Variants in OLFML2B observed in about 807,000 individuals in gnomAD.
OLFML2B encodes olfactomedin like 2B.
Under a neutral mutation model 74.9 loss-of-function variants are expected in OLFML2B, and 57 were observed. The ratio of observed to expected loss-of-function variants is 0.76; its 90% CI spans 0.61 to 0.95. OLFML2B has a LOEUF of 0.95. Ranked by LOEUF, OLFML2B falls within the 40% of genes least tolerant of loss-of-function variation. The pLI is 0.00. For missense variants in OLFML2B, 986 were observed against 970.6 expected, an observed-to-expected ratio of 1.02 and a Z score of -0.21; for synonymous variants, 388 against 405.8, an observed-to-expected ratio of 0.96 and a Z score of 0.53.
intron 3 of OLFML2B, among the ~76,000 whole-genome samples, chr1:162,016,473 A>G (rs1332750098): frequency 1.3e-5 from 2 of 152,214 alleles, no homozygotes; most frequent in African/African-American, 2.4e-5. Flanking sequence ...TTTCATAAGG[A>G]ATATTGATAT....
At chr1:162,000,876 A>G (rs1690064715) in intron 4 of OLFML2B, among the ~76,000 whole-genome samples, 1 of 152,178 alleles carries the variant, frequency 6.6e-6, no homozygotes, top group African/African-American at 2.4e-5. Flanking sequence ...TTCCTAAAAC[A>G]CATATCACCC....
rs1324940271 is a variant in OLFML2B, at chr1:161,983,591, C to T, written c.*84G>A. 2 of 1,406,718 alleles carry T rather than the reference C, an allele frequency of 1.4e-6. No individual in the cohort carries two copies. The highest frequency in any genetic ancestry group is 1.9e-6 in the Non-Finnish European group (2 of 1,033,254). 87.1% of individuals were successfully genotyped at this position (1,406,718 alleles called of 1,614,324 possible). ...AATATATATTTTTAAACAACACATA[C>T]CCACCTACACACACGTGCGCGCACA... On this transcript the variant is annotated 3_prime_UTR_variant, in exon 8 of 8. Transcript: ENST00000294794.
intron 6 of OLFML2B, among the ~76,000 whole-genome samples, chr1:161,994,513 C>T (rs1249866084): frequency 1.3e-5 from 2 of 152,250 alleles, no homozygotes; most frequent in Non-Finnish European, 2.9e-5. Flanking sequence ...TCCAAACCAG[C>T]CCCTTCTACA....
At chr1:162,012,958 C>T (rs1184770662) in intron 3 of OLFML2B, among the ~76,000 whole-genome samples, 1 of 152,182 alleles carries the variant, frequency 6.6e-6, no homozygotes, top group Non-Finnish European at 1.5e-5. Flanking sequence ...GCAGTATGTG[C>T]TGCTAGGGGT....
chr1:162,001,575 G>A (rs1249966767), intron 4 of OLFML2B, among the ~76,000 whole-genome samples: 2 of 152,182 alleles, frequency 1.3e-5, no homozygotes, highest in Non-Finnish European at 2.9e-5. Context: ...CTTGTTTTAC[G>A]TGAAAGAACA....
Position 162,000,112 on chromosome 1 carries a change from C to G in OLFML2B, c.949+1G>C. The G allele has an allele frequency of 6.3e-7, 1 of 1,584,054 alleles. No homozygotes were observed. The highest frequency in any genetic ancestry group is 8.6e-7 in the Non-Finnish European group (1 of 1,160,262). ...GGGCGGCCCTGTTGACCCCAACTCA[C>G]GCTGCTCTTCAATGTCATTCTCTTC... On this transcript the variant is annotated splice_donor_variant, in intron 5 of 7. Transcript: ENST00000294794. LOFTEE classifies it high-confidence loss of function.
At chr1:161,987,014 T>C (rs2499841) in intron 6 of OLFML2B, among the ~76,000 whole-genome samples, 131,147 of 152,272 alleles carry the variant, frequency 0.86, 56,675 homozygotes, top group Non-Finnish European at 0.89. Context: ...CCTGCAGGGT[T>C]CCGTCTCACA....
At position 162,006,491 on chromosome 1, in the gene OLFML2B, A is replaced by AT; in HGVS notation, c.547-19_547-18insA. Reference sequence around the variant, plus strand: ...GACACTTCCTGAGAAGGAAAAAAAAAAGATGATCCATTAAAGCACCCTGAA... The same window carrying AT: ...GACACTTCCTGAGAAGGAAAAAAAAATAGATGATCCATTAAAGCACCCTGAA... On this transcript the variant is annotated intron_variant, in intron 3 of 7. Transcript: ENST00000294794. The AT allele has an allele frequency of 6.4e-7, 1 of 1,555,636 alleles. No individual in the cohort carries two copies. Among genetic ancestry groups the AT allele is most frequent in the Non-Finnish European group, 8.6e-7 (1 of 1,158,794 alleles).
intron 4 of OLFML2B, among the ~76,000 whole-genome samples, chr1:162,004,800 TC>T (rs1690174838): frequency 6.6e-6 from 1 of 152,164 alleles, no homozygotes; most frequent in South Asian, 2.1e-4. Flanking sequence ...ACTCTAGCTG[TC>T]CCAGGCCCTG....
At chr1:162,005,224 C>T (rs1558062232) in intron 4 of OLFML2B, among the ~76,000 whole-genome samples, 1 of 152,226 alleles carries the variant, frequency 6.6e-6, no homozygotes, top group African/African-American at 2.4e-5. Flanking sequence ...AAGAAACAGG[C>T]ACCAAATGGG....
chr1:161,988,240 T>G (rs1210486163), intron 6 of OLFML2B, among the ~76,000 whole-genome samples: 1 of 152,210 alleles, frequency 6.6e-6, no homozygotes, highest in African/African-American at 2.4e-5. Context: ...TGGTCCTGTT[T>G]CAAACGTTAC....
intron 6 of OLFML2B, among the ~76,000 whole-genome samples, chr1:161,990,062 T>A (rs1689693228): frequency 6.6e-6 from 1 of 152,230 alleles, no homozygotes; most frequent in Non-Finnish European, 1.5e-5. Flanking sequence ...CAACTCATAG[T>A]TCCGTTTCTT....
chr1:161,998,429 GT>G (rs1689986064), intron 5 of OLFML2B, 80 bp from the exon 6 acceptor site: 1 of 1,459,346 alleles, frequency 6.9e-7, no homozygotes, highest in Admixed American at 2.3e-5. Flanking sequence ...CAATGAGCAG[GT>G]GAATTAGAGG....
chr1:162,021,451 T>A (rs1198614190), intron 1 of OLFML2B, among the ~76,000 whole-genome samples: 1 of 152,212 alleles, frequency 6.6e-6, no homozygotes, highest in African/African-American at 2.4e-5. Flanking sequence ...CAAAAGGCCC[T>A]ACATCCCCAA....
At chr1:161,991,097 A>C (rs1251783162) in intron 6 of OLFML2B, among the ~76,000 whole-genome samples, 1 of 152,104 alleles carries the variant, frequency 6.6e-6, no homozygotes, top group African/African-American at 2.4e-5. Flanking sequence ...TGAACCCCTC[A>C]AGGTTATCCA....
At chr1:161,992,157 G>A (rs1376444303) in intron 6 of OLFML2B, among the ~76,000 whole-genome samples, 1 of 152,222 alleles carries the variant, frequency 6.6e-6, no homozygotes, top group African/African-American at 2.4e-5. Flanking sequence ...ATTAGCACTT[G>A]CTATTTCACT....
Position 161,998,605 on chromosome 1 carries a change from G to A in OLFML2B, c.950-256C>T, listed in dbSNP as rs377105000. On this transcript the variant is annotated intron_variant, in intron 5 of 7. Transcript: ENST00000294794. Reference sequence around the variant, plus strand: ...AGGACTCAGGGGTCACTGGCAGGACGCATAGTCATGGGTCCTGAACCCCGA... The same window carrying A: ...AGGACTCAGGGGTCACTGGCAGGACACATAGTCATGGGTCCTGAACCCCGA... 2.0e-4 allele frequency among the ~76,000 whole-genome samples: 30 copies of A among 150,920 alleles called. 1 individual carries two copies. In the South Asian group the frequency reaches 4.7e-3, roughly 23 times the overall value.
At chr1:161,990,621 G>A (rs966667975) in intron 6 of OLFML2B, among the ~76,000 whole-genome samples, 5 of 152,178 alleles carry the variant, frequency 3.3e-5, no homozygotes, top group Non-Finnish European at 5.9e-5. Flanking sequence ...GTCTTGCCTC[G>A]ATGTTGATGG....
At position 161,983,713 on chromosome 1, in the gene OLFML2B, C is replaced by CA; in HGVS notation, c.2214dup (p.Gly739TrpfsTer27). ...ATGACATGGTAAGTGACCTGGTGGC[C>CA]ATTGTCCCAGGCATAGAGCAGGCGG... is the stretch of plus-strand genomic sequence containing the variant. On this transcript the variant is annotated frameshift_variant, in exon 8 of 8. Coordinates refer to ENST00000294794, the MANE Select transcript of OLFML2B (RefSeq NM_015441.3). LOFTEE classifies it high-confidence loss of function. The CA allele has an allele frequency of 6.2e-7, 1 of 1,612,560 alleles. No homozygotes were observed. The highest frequency in any genetic ancestry group is 8.5e-7 in the Non-Finnish European group (1 of 1,178,798).
Sources: allele counts gnomAD v4.1 joint callset (sites outside exome capture counted in the v4.1 genomes callset), GRCh38; gene constraint gnomAD v4.1.1; transcripts MANE v1.5; gene names NCBI Gene and HGNC (gene_info 2026-07-23, HGNC 2026-07-21).